Variants in KCNAB1 observed in about 807,000 individuals in gnomAD.
KCNAB1 encodes the protein voltage-gated potassium channel subunit beta-1.
A neutral mutation model predicts 64.6 loss-of-function variants in KCNAB1; 35 were observed. The ratio of observed to expected loss-of-function variants is 0.54; its 90% CI spans 0.41 to 0.72. The LOEUF (loss-of-function observed/expected upper bound fraction) is 0.72. Among genes scored for constraint, KCNAB1 ranks in the 30% least tolerant of loss-of-function variants. The pLI is 0.00. For missense variants in KCNAB1, 401 were observed against 512.9 expected, an observed-to-expected ratio of 0.78 and a Z score of 2.11; for synonymous variants, 177 against 183.8, an observed-to-expected ratio of 0.96 and a Z score of 0.30.
At chr3:156,153,821 A>G (rs560495759) in intron 1 of KCNAB1, among the ~76,000 whole-genome samples, 9 of 152,334 alleles carry the variant, frequency 5.9e-5, no homozygotes, top group African/African-American at 1.9e-4. Context: ...AGGCCTTCAG[A>G]TTTGGATCAG....
chr3:156,259,912 C>T (rs574415674), intron 1 of KCNAB1, among the ~76,000 whole-genome samples: 28 of 152,308 alleles, frequency 1.8e-4, no homozygotes, highest in African/African-American at 5.8e-4. Context: ...GCTCTGCCAT[C>T]TCTGCGTGCC....
chr3:156,145,605 G>A (rs1436141066), intron 1 of KCNAB1, among the ~76,000 whole-genome samples: 1 of 152,092 alleles, frequency 6.6e-6, no homozygotes, highest in Non-Finnish European at 1.5e-5. Context: ...CCATGGCTAT[G>A]TTAAAAAAAC....
intron 1 of KCNAB1, among the ~76,000 whole-genome samples, chr3:156,178,150 A>T (rs964662807): frequency 6.6e-6 from 1 of 152,222 alleles, no homozygotes; most frequent in African/African-American, 2.4e-5. Context: ...CCTGGATTCG[A>T]GTTTCCACTG....
intron 1 of KCNAB1, among the ~76,000 whole-genome samples, chr3:156,376,811 A>T (rs1337799051): frequency 1.3e-5 from 2 of 152,096 alleles, no homozygotes; most frequent in Admixed American, 1.3e-4. Flanking sequence ...CTTATTTTTA[A>T]TCTAGAGGAA....
chr3:156,480,380 G>A lies in KCNAB1; in HGVS notation c.658+5560G>A, dbSNP rs543563209. Among the ~76,000 whole-genome samples the A allele has an allele frequency of 3.4e-4, 52 of 152,058 alleles. 1 individual carries two copies. The highest frequency in any genetic ancestry group is 1.3e-3 in the African/African-American group (52 of 41,502). ...ACAACACATATCGGGGCCCGTTGTGGGGTGGGGGGCAAGGGGAGAGAGAGC... is the reference window on the plus strand; with the variant it reads ...ACAACACATATCGGGGCCCGTTGTGAGGTGGGGGGCAAGGGGAGAGAGAGC... On this transcript the variant is annotated intron_variant, in intron 8 of 13. Coordinates refer to ENST00000490337, the MANE Select transcript of KCNAB1 (RefSeq NM_172160.3).
chr3:156,522,292 T>C (rs1023008769), intron 11 of KCNAB1, among the ~76,000 whole-genome samples: 4 of 152,032 alleles, frequency 2.6e-5, no homozygotes, highest in African/African-American at 9.7e-5. Flanking sequence ...TATGAAACTT[T>C]AGTGAGGATT....
intron 8 of KCNAB1, among the ~76,000 whole-genome samples, chr3:156,501,519 C>T (rs1439358342): frequency 6.7e-6 from 1 of 148,216 alleles, no homozygotes; most frequent in Non-Finnish European, 1.5e-5. Context: ...GCAACCTCTG[C>T]CTGCGAGGTT....
intron 1 of KCNAB1, among the ~76,000 whole-genome samples, chr3:156,214,928 G>T (rs1234320445): frequency 6.6e-6 from 1 of 152,164 alleles, no homozygotes; most frequent in Admixed American, 6.5e-5. Flanking sequence ...GTCTTTCAGG[G>T]TGTACAGCCT....
chr3:156,169,752 T>C (rs1217472374), intron 1 of KCNAB1, among the ~76,000 whole-genome samples: 1 of 152,220 alleles, frequency 6.6e-6, no homozygotes, highest in African/African-American at 2.4e-5. Flanking sequence ...CTTTCTCTCC[T>C]GCTCTGCCAT....
chr3:156,240,117 G>T (rs1717077258), intron 1 of KCNAB1, among the ~76,000 whole-genome samples: 1 of 152,154 alleles, frequency 6.6e-6, no homozygotes, highest in Non-Finnish European at 1.5e-5. Flanking sequence ...ATGACTTCAT[G>T]GTTCTCGAAA....
chr3:156,334,470 C>G (rs1723551322), intron 1 of KCNAB1, among the ~76,000 whole-genome samples: 1 of 152,050 alleles, frequency 6.6e-6, no homozygotes, highest in African/African-American at 2.4e-5. Flanking sequence ...GGACCTGGGG[C>G]AAAACCTGGC....
intron 1 of KCNAB1, among the ~76,000 whole-genome samples, chr3:156,172,443 C>T (rs1304119555): frequency 6.6e-6 from 1 of 152,180 alleles, no homozygotes; most frequent in Non-Finnish European, 1.5e-5. Flanking sequence ...CCACACCCAG[C>T]TAATTTTTGT....
chr3:156,395,284 G>A (rs1257452247), intron 1 of KCNAB1, among the ~76,000 whole-genome samples: 4 of 149,866 alleles, frequency 2.7e-5, no homozygotes, highest in Admixed American at 6.6e-5. Flanking sequence ...GGTGGCTCAC[G>A]CCTGTAATCC....
intron 1 of KCNAB1, among the ~76,000 whole-genome samples, chr3:156,383,842 G>A (rs965856846): frequency 1.3e-5 from 2 of 152,136 alleles, no homozygotes; most frequent in South Asian, 2.1e-4. Context: ...AGCGTTTTTC[G>A]CCCCTGAGCT....
At chr3:156,222,885 A>G (rs143042468) in intron 1 of KCNAB1, among the ~76,000 whole-genome samples, 38 of 152,342 alleles carry the variant, frequency 2.5e-4, no homozygotes, top group African/African-American at 8.4e-4. Context: ...GAACTGAATG[A>G]TAATAGTGAC....
intron 1 of KCNAB1, among the ~76,000 whole-genome samples, chr3:156,384,881 T>A (rs1347746960): frequency 6.6e-6 from 1 of 152,144 alleles, no homozygotes; most frequent in African/African-American, 2.4e-5. Context: ...TAGGGGCACC[T>A]GGAAGGTGAA....
chr3:156,302,049 C>G (rs185220797), intron 1 of KCNAB1, among the ~76,000 whole-genome samples: 1 of 152,334 alleles, frequency 6.6e-6, no homozygotes, highest in East Asian at 1.9e-4. Flanking sequence ...CTCCTTTTCT[C>G]TGGAGGCTTC....
intron 1 of KCNAB1, among the ~76,000 whole-genome samples, chr3:156,200,311 T>C (rs1714243305): frequency 6.6e-6 from 1 of 152,198 alleles, no homozygotes; most frequent in African/African-American, 2.4e-5. Flanking sequence ...CATGGACCCA[T>C]TTGATGAGGC....
intron 2 of KCNAB1, among the ~76,000 whole-genome samples, chr3:156,435,142 T>C (rs1716502532): frequency 1.3e-5 from 2 of 152,144 alleles, no homozygotes; most frequent in Admixed American, 1.3e-4. Context: ...TCATCAAACA[T>C]CTAGAAGCCC....
Sources: allele counts gnomAD v4.1 joint callset (sites outside exome capture counted in the v4.1 genomes callset), GRCh38; gene constraint gnomAD v4.1.1; transcripts MANE v1.5; gene names NCBI Gene and HGNC (gene_info 2026-07-23, HGNC 2026-07-21).